MUC4: variants seen among roughly 807,000 people sequenced by gnomAD.
MUC4 encodes mucin-4.
Under a neutral mutation model 257.9 loss-of-function variants are expected in MUC4, and 202 were observed. The ratio of observed to expected loss-of-function variants is 0.78; its 90% CI spans 0.70 to 0.88. The LOEUF is 0.88. Among genes scored for constraint, MUC4 ranks in the 40% least tolerant of loss-of-function variants. The pLI is 0.00. For synonymous variants in MUC4, 2,351 were observed against 2,757.1 expected (o/e 0.85, Z 4.62); for missense variants, 5,976 against 6,513.7 (o/e 0.92, Z 2.84).
intron 1 of MUC4, among the ~76,000 whole-genome samples, chr3:195,805,554 G>A (rs561732983): frequency 2.0e-5 from 3 of 152,178 alleles, no homozygotes; most frequent in African/African-American, 7.2e-5. Context: ...GCCTCGGGCT[G>A]TCCTGGTGTG....
rs1362183007 is a variant in MUC4, at chr3:195,788,836, G to T, written c.2744C>A (p.Thr915Asn). ...GCTGATAGTGTCAGACCCTCTGCTG[G>T]TTCTTGTCCTCTGAGTCTGGGCCAT... Reference protein sequence around the residue: ...SRMAQTQRTRTSRGSDTISLA... With the variant: ...SRMAQTQRTRNSRGSDTISLA... Residue 915 changes from threonine to asparagine, a missense_variant, in exon 2 of 25, where the codon ACC (threonine) becomes AAC (asparagine). Physicochemically the swap from Thr to Asn is moderately conservative, Grantham distance 65. Transcript: ENST00000463781. The T allele has an allele frequency of 3.1e-6, 5 of 1,613,912 alleles. No homozygotes were observed. The highest frequency in any genetic ancestry group is 1.1e-5 in the South Asian group (1 of 91,082).
At chr3:195,764,602 G>A (rs1175610190) in intron 10 of MUC4, among the ~76,000 whole-genome samples, 3 of 151,934 alleles carry the variant, frequency 2.0e-5, no homozygotes, top group Admixed American at 2.0e-4. Flanking sequence ...GGGAGAGAAC[G>A]GGAGGACACA....
chr3:195,765,464 G>A lies in MUC4; in HGVS notation c.13619-15C>T, dbSNP rs202055256. The stretch of plus-strand genomic sequence containing the variant: ...CCCTTGGAGGCCTGAGGTCGGGGAT[G>A]GGGGGGAAAGGGCTTATCCAGGGCT... On this transcript the variant is annotated splice_polypyrimidine_tract_variant and intron_variant, in intron 8 of 24. Transcript: ENST00000463781. 14 of 1,604,578 alleles carry A rather than the reference G, an allele frequency of 8.7e-6. No individual in the cohort carries two copies. In the South Asian group the frequency reaches 1.3e-4, roughly 15 times the overall value.
chr3:195,788,948 C>A lies in MUC4; in HGVS notation c.2632G>T (p.Glu878Ter), dbSNP rs544955554. Residue 878 changes from glutamate to a stop codon, truncating the protein, a stop_gained, in exon 2 of 25, where the codon GAG (glutamate) becomes TAG (stop). Transcript: ENST00000463781. LOFTEE classifies it high-confidence loss of function. ...VPGTFHPTLS[E>*]ASTAGRPTGQ... ...GTCGGTCTCCCTGCAGTGGAGGCCTCAGAGAGGGTGGGATGAAAGGTGCCG... is the reference window on the plus strand; with the variant it reads ...GTCGGTCTCCCTGCAGTGGAGGCCTAAGAGAGGGTGGGATGAAAGGTGCCG... 6.2e-7 allele frequency: 1 copy of A among 1,613,498 alleles called. No homozygotes were observed.
chr3:195,770,686 G>C (rs998271825), intron 5 of MUC4: 10 of 464,188 alleles, frequency 2.2e-5, no homozygotes, highest in African/African-American at 2.0e-4. Context: ...ACCTCCCCAT[G>C]CCTAATCTGC....
At chr3:195,748,828 G>T in intron 24 of MUC4, 74 bp downstream of exon 24, 1 of 1,456,376 alleles carries the variant, frequency 6.9e-7, no homozygotes. Flanking sequence ...CTAATTCCTG[G>T]ACCCCTTGCA....
At position 195,783,506 on chromosome 3, in the gene MUC4, T is replaced by G. The variant is rs762664104; in HGVS notation, c.8074A>C (p.Thr2692Pro). 7 of 980,804 alleles carry G rather than the reference T, an allele frequency of 7.1e-6. No homozygotes were observed. In the East Asian group the frequency reaches 2.4e-4, roughly 33 times the overall value. The allele number at this position is 980,804 out of a possible 1,614,324, so 60.8% of individuals were successfully genotyped here. The stretch of plus-strand genomic sequence containing the variant: ...CCTGTGGATGCTGAGGAAGTGTCGG[T>G]GACAGGAAGAGAGGTGGCATGACCG... ...STGHATSLPV[T>P]DTSSASTGDT... The change falls in exon 2 of 25, where the codon ACC (threonine) becomes CCC (proline). Residue 2692 changes from threonine (T) to proline (P), a missense_variant. Thr to Pro is a conservative substitution (Grantham distance 38). Around this residue, in one of 44 missense-constraint regions of MUC4, gnomAD observed 75 missense variants for 58.7 expected, o/e 1.28. Transcript: ENST00000463781.
rs1715277136 is a variant in MUC4 at position 195,747,476 on chromosome 3, G to A, written c.16035-96C>T. Reference sequence around the variant, plus strand: ...GGGGAAGAAGAGGTTCTGTAGGAGAGGCTGGGCTCGCCCCACTCTCCGGAG... The same window carrying A: ...GGGGAAGAAGAGGTTCTGTAGGAGAAGCTGGGCTCGCCCCACTCTCCGGAG... On this transcript the variant is annotated intron_variant, in intron 24 of 24. Transcript: ENST00000463781. 1.9e-5 allele frequency: 26 copies of A among 1,380,810 alleles called. No homozygotes were observed. In the South Asian group the frequency reaches 3.3e-4, roughly 17 times the overall value. The allele number at this position is 1,380,810 out of a possible 1,614,324, so 85.5% of individuals were successfully genotyped here.
intron 7 of MUC4, among the ~76,000 whole-genome samples, chr3:195,767,835 C>CCACCATCATCACCACCAT (rs1207941159): frequency 0.032 from 3,637 of 114,764 alleles, 160 homozygotes; most frequent in Non-Finnish European, 0.056. Context: ...ACCACCATCA[C>CCACCATCATCACCACCAT]CACCACCACC....
intron 16 of MUC4, among the ~76,000 whole-genome samples, chr3:195,759,697 A>T (rs943853905): frequency 6.6e-6 from 1 of 152,294 alleles, no homozygotes; most frequent in East Asian, 1.9e-4. Context: ...AGGCCGGTGG[A>T]TAACCTGAGG....
intron 5 of MUC4, chr3:195,770,664 G>A (rs530586629): frequency 3.0e-5 from 15 of 508,440 alleles, no homozygotes; most frequent in East Asian, 1.4e-4. Context: ...AGAGCCACTC[G>A]GGCCCACTTT....
chr3:195,804,393 G>A (rs1192891319), intron 1 of MUC4, among the ~76,000 whole-genome samples: 1 of 152,236 alleles, frequency 6.6e-6, no homozygotes, highest in Non-Finnish European at 1.5e-5. Context: ...GTGTGCTGTT[G>A]GCTCGGGAGA....
At position 195,781,721 on chromosome 3, in the gene MUC4, A is replaced by T. The variant is rs1240149686; in HGVS notation, c.9859T>A (p.Ser3287Thr). Residue 3287 changes from serine to threonine, a missense_variant, in exon 2 of 25, where the codon TCC (serine) becomes ACC (threonine). Transcript: ENST00000463781. ...GTGGTGTCACCTGTGGATGATGAGG[A>T]AGTGTCGGTGACAGGAAGAGAGGTG... ...DTTSLPVTDTSSSSTGDTTPL... is the reference protein window; with the variant it reads ...DTTSLPVTDTTSSSTGDTTPL... 8.1e-6 allele frequency: 12 copies of T among 1,477,922 alleles called. No individual in the cohort carries two copies. The African/African-American group carries it at 1.5e-4, about 19-fold the overall frequency. 91.6% of individuals were successfully genotyped at this position (1,477,922 alleles called of 1,614,324 possible). A position where few individuals can be genotyped will look rare whatever the true frequency, so the allele number is the denominator to read the frequency against.
intron 7 of MUC4, 124 bp from the exon 8 acceptor site, chr3:195,766,875 C>G: frequency 1.3e-6 from 1 of 769,106 alleles, no homozygotes; most frequent in Non-Finnish European, 2.2e-6. Context: ...GGCAGTGGGT[C>G]AGTGGGTCAG....
intron 1 of MUC4, 126 bp downstream of exon 1, chr3:195,811,610 C>T (rs1318101010): frequency 1.7e-5 from 13 of 759,210 alleles, no homozygotes; most frequent in East Asian, 2.7e-5. Flanking sequence ...TCTTCCTCTT[C>T]GCTGTCTCCC....
chr3:195,749,383 C>G (rs62284987), intron 23 of MUC4, among the ~76,000 whole-genome samples: 25,635 of 149,958 alleles, frequency 0.17, 1,672 homozygotes, highest in Non-Finnish European at 0.19. Context: ...TCCTGAAGAG[C>G]ACATGCTTTG....
Position 195,761,532 on chromosome 3 carries a change from T to C in MUC4, c.14566A>G (p.Ile4856Val). Residue 4856 changes from isoleucine to valine, a missense_variant, in exon 15 of 25, where the codon ATT (isoleucine) becomes GTT (valine). Transcript: ENST00000463781. The part of the protein sequence containing the change: ...DDFRMPNGST[I>V]PPGSPEEMLF... ...ATCTCCTCAGGGCTCCCTGGGGGAA[T>C]GGTGGAGCCATTGGGCATCCTGAAG... 6.2e-7 allele frequency: 1 copy of C among 1,614,142 alleles called. No homozygotes were observed. Among genetic ancestry groups the C allele is most frequent in the Non-Finnish European group, 8.5e-7 (1 of 1,179,990 alleles).
intron 1 of MUC4, among the ~76,000 whole-genome samples, chr3:195,799,258 T>A (rs73205743): frequency 1.2e-3 from 111 of 93,522 alleles, no homozygotes; most frequent in South Asian, 6.6e-3. Context: ...TGTGTGTGTG[T>A]GTGACACTGT....
intron 1 of MUC4, among the ~76,000 whole-genome samples, chr3:195,801,455 T>A (rs1735300397): frequency 6.6e-6 from 1 of 151,746 alleles, no homozygotes; most frequent in Admixed American, 6.6e-5. Context: ...CGGGGCTCCC[T>A]CCTGCCCGGA....
Sources: allele counts gnomAD v4.1 joint callset (sites outside exome capture counted in the v4.1 genomes callset), GRCh38; gene constraint gnomAD v4.1.1; regional missense constraint gnomAD v4.1.1; transcripts MANE v1.5; gene names NCBI Gene and HGNC (gene_info 2026-07-23, HGNC 2026-07-21).